The following CPNE3 variants were observed in gnomAD, a reference collection of about 807,000 sequenced individuals.
CPNE3 encodes copine 3.
A neutral mutation model predicts 63.9 loss-of-function variants in CPNE3; 68 were observed. That is an observed-to-expected ratio of 1.06 (90% confidence interval 0.87 to 1.30). The LOEUF (loss-of-function observed/expected upper bound fraction) is 1.30, where lower values mean the gene tolerates loss of function less well. Ranked by LOEUF, CPNE3 falls within the 50% of genes most tolerant of loss-of-function variation. The pLI, the probability that CPNE3 is intolerant of heterozygous loss-of-function variation, is 0.00. For missense variants in CPNE3, 665 were observed against 578.1 expected (o/e 1.15, Z -1.54); for synonymous variants, 219 against 197.5 (o/e 1.11, Z -0.91).
Position 86,546,862 on chromosome 8 carries a change from C to A in CPNE3, c.819+181C>A, listed in dbSNP as rs138563834. ...GGTAGCTGGGATTACAGGCACCCAC[C>A]ACTACACCTGGCTAATTTTTGTATT... On this transcript the variant is annotated intron_variant, in intron 10 of 16. Transcript: ENST00000517490. 9.9e-3 allele frequency among the ~76,000 whole-genome samples: 1,504 copies of A among 152,172 alleles called. 30 individuals are homozygous for A. The highest frequency in any genetic ancestry group is 0.035 in the African/African-American group (1,433 of 41,518).
At position 86,560,611 on chromosome 8, in the gene CPNE3, C is replaced by T. The variant is rs140444391; in HGVS notation, c.*2201C>T. 1 of 140,684 alleles carries T rather than the reference C, an allele frequency of 7.1e-6. No homozygotes were observed. The highest frequency in any genetic ancestry group is 2.7e-5 in the African/African-American group (1 of 37,680). 8.7% of individuals were successfully genotyped at this position (140,684 alleles called of 1,614,324 possible). ...TTTAAAATTGTTTTAAAATTTAAAA[C>T]ATTTAATTCATGATCATGTTCATCA... is the stretch of plus-strand genomic sequence containing the variant. On this transcript the variant is annotated 3_prime_UTR_variant, in exon 17 of 17. Transcript: ENST00000517490.
At chr8:86,541,069 T>A (rs13270090) in intron 8 of CPNE3, among the ~76,000 whole-genome samples, 109,653 of 152,008 alleles carry the variant, frequency 0.72, 40,521 homozygotes, top group African/African-American at 0.83. Flanking sequence ...ATGTTCAGAC[T>A]TCAGTCGATC....
At chr8:86,552,856 C>T (rs868820998) in intron 14 of CPNE3, among the ~76,000 whole-genome samples, 2,737 of 50,780 alleles carry the variant, frequency 0.054, 56 homozygotes, top group Non-Finnish European at 0.082. Flanking sequence ...TTTTTTTTTT[C>T]GAGACGAAGT....
In CPNE3 at chr8:86,551,099, A is replaced by G. The variant is rs770296107; in HGVS notation, c.1067A>G (p.Gln356Arg). ...GGCGCTCAGATACCTCCTCAGTGGC[A>G]GGTAAGAGGAAATCTCTATTTTAAA... ...GFGAQIPPQW[Q>R]VSHEFPMNFN... The change falls in exon 13 of 17, where the codon CAG becomes CGG. Residue 356 changes from glutamine (Q) to arginine (R), a missense_variant and splice_region_variant. Physicochemically the swap from Gln to Arg is conservative, Grantham distance 43. Transcript: ENST00000517490. The G allele has an allele frequency of 6.2e-7, 1 of 1,612,776 alleles. No individual in the cohort carries two copies. Among genetic ancestry groups the G allele is most frequent in the South Asian group, 1.1e-5 (1 of 90,758 alleles).
At chr8:86,554,499 A>G (rs1821267059) in intron 14 of CPNE3, among the ~76,000 whole-genome samples, 1 of 152,206 alleles carries the variant, frequency 6.6e-6, no homozygotes, top group Non-Finnish European at 1.5e-5. Flanking sequence ...ACCTTTCATC[A>G]TCAGTTGTAT....
At chr8:86,520,380 AC>A (rs1402782125) in intron 2 of CPNE3, among the ~76,000 whole-genome samples, 1 of 151,356 alleles carries the variant, frequency 6.6e-6, no homozygotes, top group African/African-American at 2.4e-5. Flanking sequence ...ACATGGTGAA[AC>A]CCCGTCTCTA....
At chr8:86,554,811 G>T (rs752797217) in intron 14 of CPNE3, 40 bp from the exon 15 acceptor site, 9 of 1,605,426 alleles carry the variant, frequency 5.6e-6, no homozygotes, top group Non-Finnish European at 7.7e-6. Context: ...TTGTGCTTGA[G>T]AATTTTTAGT....
chr8:86,538,614 G>A (rs1255268445), intron 7 of CPNE3, among the ~76,000 whole-genome samples: 2 of 152,076 alleles, frequency 1.3e-5, no homozygotes, highest in Non-Finnish European at 2.9e-5. Flanking sequence ...CCCAATAGAG[G>A]ACTCTTCTCC....
chr8:86,516,950 T>C (rs1308132321), intron 2 of CPNE3, among the ~76,000 whole-genome samples: 1 of 152,216 alleles, frequency 6.6e-6, no homozygotes, highest in Non-Finnish European at 1.5e-5. Context: ...CAAAGCATGA[T>C]ATTTCAGGTG....
At chr8:86,551,125 G>T (rs1164514440) in intron 13 of CPNE3, 25 bp downstream of exon 13, 11 of 1,613,062 alleles carry the variant, frequency 6.8e-6, no homozygotes, top group Non-Finnish European at 8.5e-6. Flanking sequence ...CTATTTTAAA[G>T]CTTTGCCTCC....
intron 6 of CPNE3, among the ~76,000 whole-genome samples, chr8:86,534,477 G>A (rs1031854529): frequency 6.6e-6 from 1 of 152,120 alleles, no homozygotes; most frequent in African/African-American, 2.4e-5. Context: ...CCAACATGGT[G>A]AAACACCATC....
chr8:86,529,712 G>A (rs1251882268), intron 4 of CPNE3, among the ~76,000 whole-genome samples: 4 of 152,112 alleles, frequency 2.6e-5, no homozygotes, highest in African/African-American at 4.8e-5. Flanking sequence ...GGGTAGGGAC[G>A]TGTCTCATGG....
intron 15 of CPNE3, among the ~76,000 whole-genome samples, chr8:86,555,798 A>G (rs1358812996): frequency 1.3e-5 from 2 of 152,222 alleles, no homozygotes; most frequent in African/African-American, 4.8e-5. Context: ...GACATATTTA[A>G]TACTTGAGTT....
Position 86,531,218 on chromosome 8 carries a change from GGGAGCATTAC to G in CPNE3, c.379_387+1del, listed in dbSNP as rs1320142727. The G allele has an allele frequency of 1.2e-5, 14 of 1,213,712 alleles. No individual in the cohort carries two copies. In the Admixed American group the frequency reaches 2.4e-4, roughly 20 times the overall value. The allele number at this position is 1,213,712 out of a possible 1,614,324, so 75.2% of individuals were successfully genotyped here. A position where few individuals can be genotyped will look rare whatever the true frequency, so the allele number is the denominator to read the frequency against. On this transcript the variant is annotated frameshift_variant and splice_region_variant, in exon 5 of 17. Coordinates refer to ENST00000517490, the MANE Select transcript of CPNE3 (RefSeq NM_003909.5). LOFTEE classifies it high-confidence loss of function. ...GAAAACTGGCAGACCTGCAGGAAAA[GGGAGCATTAC>G]GGTAAAAATAAGATATTTGTCTTTT...
Position 86,559,406 on chromosome 8 carries a change from CA to C in CPNE3, c.*997del, listed in dbSNP as rs1165136533. 1 of 152,102 alleles carries C rather than the reference CA, an allele frequency of 6.6e-6. No homozygotes were observed. Among genetic ancestry groups the C allele is most frequent in the Non-Finnish European group, 1.5e-5 (1 of 68,022 alleles). The allele number at this position is 152,102 out of a possible 1,614,324, so 9.4% of individuals were successfully genotyped here. A position where few individuals can be genotyped will look rare whatever the true frequency, so the allele number is the denominator to read the frequency against. ...CTAAGGTCCCATATATTGATTTGTA[CA>C]GATCCACTTAGTCATTTTCTCCTTT... On this transcript the variant is annotated 3_prime_UTR_variant, in exon 17 of 17. Coordinates refer to ENST00000517490, the MANE Select transcript of CPNE3 (RefSeq NM_003909.5).
chr8:86,534,432 G>A (rs1010241553), intron 6 of CPNE3, among the ~76,000 whole-genome samples: 4 of 152,080 alleles, frequency 2.6e-5, no homozygotes, highest in African/African-American at 9.7e-5. Flanking sequence ...GAGGTAGGTG[G>A]CTTACCTGAG....
At chr8:86,520,230 G>T (rs947343798) in intron 2 of CPNE3, among the ~76,000 whole-genome samples, 8 of 152,124 alleles carry the variant, frequency 5.3e-5, no homozygotes, top group African/African-American at 1.9e-4. Context: ...TTAAAGAAAG[G>T]GATTGACTCA....
At chr8:86,537,159 C>T (rs773573264) in intron 6 of CPNE3, among the ~76,000 whole-genome samples, 4 of 152,166 alleles carry the variant, frequency 2.6e-5, no homozygotes, top group Non-Finnish European at 4.4e-5. Flanking sequence ...CATTTTCTCA[C>T]TGATAACTGC....
intron 9 of CPNE3, 195 bp downstream of exon 9, chr8:86,545,033 G>A (rs956754191): frequency 2.1e-5 from 7 of 326,446 alleles, no homozygotes; most frequent in African/African-American, 6.5e-5. Context: ...AGAACACCAC[G>A]TAACAGTTAC....
Sources: gnomAD v4.1 joint callset for allele counts (sites outside exome capture counted in the v4.1 genomes callset) on GRCh38, gnomAD v4.1.1 for gene constraint, MANE v1.5 for transcripts, NCBI Gene and HGNC (gene_info 2026-07-23, HGNC 2026-07-21) for gene names.